PDE7B: variants seen among roughly 807,000 people sequenced by gnomAD.
PDE7B encodes the protein phosphodiesterase 7B, also known as 3',5'-cyclic-AMP phosphodiesterase 7B.
Under a neutral mutation model 56.2 loss-of-function variants are expected in PDE7B, and 29 were observed. That is an observed-to-expected ratio of 0.52 (90% CI 0.38 to 0.70). The LOEUF (loss-of-function observed/expected upper bound fraction) is 0.70. Ranked by LOEUF, PDE7B falls within the 30% of genes least tolerant of loss-of-function variation. The pLI, the probability that PDE7B is intolerant of heterozygous loss-of-function variation, is 0.00. For missense variants in PDE7B, 490 were observed against 565.0 expected (o/e 0.87, Z 1.35); for synonymous variants, 197 against 196.9 (o/e 1.00, Z 0.00).
chr6:136,109,245 G>A (rs1182822384), intron 3 of PDE7B, among the ~76,000 whole-genome samples: 1 of 152,130 alleles, frequency 6.6e-6, no homozygotes, highest in Non-Finnish European at 1.5e-5. Context: ...GGGCTGAGGT[G>A]AGAGAATAGC....
chr6:136,035,852 AGTGTT>A (rs1776318550), intron 2 of PDE7B, among the ~76,000 whole-genome samples: 1 of 152,218 alleles, frequency 6.6e-6, no homozygotes, highest in African/African-American at 2.4e-5. Flanking sequence ...TGAACAATGA[AGTGTT>A]GTGTTCTTAG....
chr6:136,088,876 T>A (rs1777336802), intron 2 of PDE7B, among the ~76,000 whole-genome samples: 1 of 151,372 alleles, frequency 6.6e-6, no homozygotes. Flanking sequence ...AAATGTGAGG[T>A]AATAAAATTT....
In PDE7B at chr6:135,928,465, T is replaced by A. The variant is rs895414640; in HGVS notation, c.22-18999T>A. The stretch of plus-strand genomic sequence containing the variant: ...TATATATATTTATTTATATATATAT[T>A]TATTTATATATATATATTTATTTAT... On this transcript the variant is annotated intron_variant, in intron 1 of 12. Transcript: ENST00000308191. 5.1e-3 allele frequency among the ~76,000 whole-genome samples: 382 copies of A among 75,508 alleles called. 2 individuals are homozygous for A. The highest frequency in any genetic ancestry group is 0.017 in the African/African-American group (322 of 18,410). The allele number at this position is 75,508 out of a possible 152,430, so 49.5% of individuals were successfully genotyped here.
intron 2 of PDE7B, among the ~76,000 whole-genome samples, chr6:136,051,020 G>T (rs1414056700): frequency 6.6e-6 from 1 of 151,032 alleles, no homozygotes; most frequent in Non-Finnish European, 1.5e-5. Flanking sequence ...AATTGAAGTG[G>T]CTTCTTCTTT....
rs547122348 is a variant in PDE7B, at chr6:136,162,868, TCTC to T, written c.711+7113_711+7115del. On this transcript the variant is annotated intron_variant, in intron 8 of 12. Transcript: ENST00000308191. ...ATTAAACCTTCAAGTTCCAAAATGA[TCTC>T]CTTTGACTCTGTGTCTCACATCTAG... 8.7e-4 allele frequency among the ~76,000 whole-genome samples: 132 copies of T among 152,300 alleles called. 1 individual carries two copies. The Middle Eastern group carries it at 0.024, about 27-fold the overall frequency.
intron 2 of PDE7B, among the ~76,000 whole-genome samples, chr6:136,008,286 A>G (rs1018267051): frequency 2.6e-5 from 4 of 152,252 alleles, no homozygotes; most frequent in Non-Finnish European, 4.4e-5. Context: ...TAGTGCCGCA[A>G]TAAACATACA....
intron 3 of PDE7B, among the ~76,000 whole-genome samples, chr6:136,139,530 T>C (rs966929499): frequency 3.3e-5 from 5 of 151,984 alleles, no homozygotes; most frequent in East Asian, 1.9e-4. Context: ...TTCTAGATCC[T>C]TGAGGAATCG....
At chr6:136,045,077 A>G (rs956533663) in intron 2 of PDE7B, 6 of 151,558 alleles carry the variant, frequency 4.0e-5, no homozygotes, top group African/African-American at 1.5e-4. Flanking sequence ...TTAACTCACG[A>G]AAGTAACTGA....
intron 1 of PDE7B, among the ~76,000 whole-genome samples, chr6:135,880,235 C>G (rs1380756039): frequency 6.6e-6 from 1 of 152,162 alleles, no homozygotes; most frequent in Non-Finnish European, 1.5e-5. Context: ...AGGGAGAAAG[C>G]AGTGGACTAC....
intron 1 of PDE7B, among the ~76,000 whole-genome samples, chr6:135,874,608 TGATTCCTAGATATC>T (rs1775455704): frequency 6.6e-6 from 1 of 152,212 alleles, no homozygotes; most frequent in Non-Finnish European, 1.5e-5. Flanking sequence ...TTATGTAAAA[TGATTCCTAGATATC>T]TTTGAGGTTT....
chr6:136,080,215 A>C (rs1177343633), intron 2 of PDE7B, among the ~76,000 whole-genome samples: 2 of 152,228 alleles, frequency 1.3e-5, no homozygotes, highest in African/African-American at 4.8e-5. Context: ...TAATTTGAGA[A>C]GATAAACTTC....
At chr6:136,052,320 A>G (rs1370836499) in intron 2 of PDE7B, among the ~76,000 whole-genome samples, 1 of 152,190 alleles carries the variant, frequency 6.6e-6, no homozygotes, top group Non-Finnish European at 1.5e-5. Flanking sequence ...CTCCAGGAAG[A>G]TTTGCTGGGA....
chr6:136,092,696 G>A (rs1370838516), intron 2 of PDE7B, among the ~76,000 whole-genome samples: 2 of 152,198 alleles, frequency 1.3e-5, no homozygotes, highest in Non-Finnish European at 2.9e-5. Context: ...AGGAGGCGGA[G>A]GTTGCAGTGA....
chr6:136,116,759 A>C (rs1421162395), intron 3 of PDE7B, among the ~76,000 whole-genome samples: 1 of 152,184 alleles, frequency 6.6e-6, no homozygotes, highest in Non-Finnish European at 1.5e-5. Context: ...CTATTTTGGG[A>C]ATTCCACTTG....
intron 2 of PDE7B, among the ~76,000 whole-genome samples, chr6:135,973,164 T>G (rs1775122498): frequency 6.6e-6 from 1 of 152,126 alleles, no homozygotes; most frequent in Non-Finnish European, 1.5e-5. Context: ...AAACCACCGG[T>G]ATTCTACTAT....
At chr6:136,114,497 T>C (rs975318569) in intron 3 of PDE7B, among the ~76,000 whole-genome samples, 1 of 152,176 alleles carries the variant, frequency 6.6e-6, no homozygotes, top group African/African-American at 2.4e-5. Context: ...CCCTAAGTGA[T>C]AGCCCCATCT....
chr6:136,172,576 T>C (rs1199285737), intron 8 of PDE7B, among the ~76,000 whole-genome samples: 5 of 152,004 alleles, frequency 3.3e-5, no homozygotes, highest in African/African-American at 9.7e-5. Context: ...TTCTCCCATT[T>C]TGTAGGTTGC....
At chr6:136,091,160 C>A (rs927105719) in intron 2 of PDE7B, among the ~76,000 whole-genome samples, 5 of 152,162 alleles carry the variant, frequency 3.3e-5, no homozygotes, top group African/African-American at 7.2e-5. Context: ...CTCAACATCT[C>A]CCCATTGAAG....
At chr6:136,010,486 A>G (rs1202529759) in intron 2 of PDE7B, among the ~76,000 whole-genome samples, 1 of 149,638 alleles carries the variant, frequency 6.7e-6, no homozygotes, top group East Asian at 2.0e-4. Context: ...GCTCACTGCA[A>G]CCTCCACCTC....
Sources: allele counts gnomAD v4.1 joint callset (sites outside exome capture counted in the v4.1 genomes callset), GRCh38; gene constraint gnomAD v4.1.1; transcripts MANE v1.5; gene names NCBI Gene and HGNC (gene_info 2026-07-23, HGNC 2026-07-21).